Variants in FGF14 observed in about 807,000 individuals in gnomAD.
The protein encoded by FGF14 is fibroblast growth factor homologous factor 4.
Under a neutral mutation model 25.5 loss-of-function variants are expected in FGF14, and 5 were observed. That is an observed-to-expected ratio of 0.20 (90% confidence interval 0.10 to 0.41). The LOEUF (loss-of-function observed/expected upper bound fraction) is 0.41. Among genes scored for constraint, FGF14 ranks in the 10% least tolerant of loss-of-function variants. The probability of loss-of-function intolerance (pLI) is 1.00; values close to 1 mark genes in which losing one functional copy is unlikely to be tolerated. For synonymous variants in FGF14, 138 were observed against 118.3 expected, an observed-to-expected ratio of 1.17 and a Z score of -1.08; for missense variants, 222 against 320.1, an observed-to-expected ratio of 0.69 and a Z score of 2.34.
chr13:101,871,256 C>T (rs2045061705), intron 2 of FGF14, among the ~76,000 whole-genome samples: 1 of 152,202 alleles, frequency 6.6e-6, no homozygotes, highest in East Asian at 1.9e-4. Context: ...ATTCATGGAA[C>T]ATTCTAGTTC....
intron 2 of FGF14, among the ~76,000 whole-genome samples, chr13:101,871,902 T>C (rs1349589988): frequency 6.6e-6 from 1 of 152,052 alleles, no homozygotes. Context: ...TCCACAATTT[T>C]TGTGCTACTT....
At chr13:102,266,463 G>C (rs1357343609) in intron 1 of FGF14, among the ~76,000 whole-genome samples, 5 of 152,076 alleles carry the variant, frequency 3.3e-5, no homozygotes, top group Admixed American at 6.6e-5. Flanking sequence ...CTTTGTGGGT[G>C]ATCTGCTCAT....
intron 1 of FGF14, among the ~76,000 whole-genome samples, chr13:102,298,404 T>A (rs76417703): frequency 0.019 from 2,939 of 152,294 alleles, 99 homozygotes; most frequent in African/African-American, 0.066. Context: ...CATGTGTGTA[T>A]CATTTTTAAT....
intron 1 of FGF14, among the ~76,000 whole-genome samples, chr13:102,075,168 TA>T (rs572361617): frequency 6.6e-4 from 100 of 152,292 alleles, no homozygotes; most frequent in African/African-American, 2.3e-3. Context: ...TCTTAAACAT[TA>T]AAAACTCTGA....
intron 1 of FGF14, among the ~76,000 whole-genome samples, chr13:102,018,689 G>A (rs554890875): frequency 5.3e-5 from 8 of 151,432 alleles, no homozygotes; most frequent in South Asian, 4.2e-4. Context: ...CTTATCCATC[G>A]CCCTCCATCC....
intron 1 of FGF14, among the ~76,000 whole-genome samples, chr13:102,161,978 C>G (rs9585864): frequency 7.9e-5 from 12 of 151,990 alleles, no homozygotes; most frequent in Admixed American, 7.9e-4. Context: ...CCTCCATGAG[C>G]CTTTCTGATG....
intron 1 of FGF14, among the ~76,000 whole-genome samples, chr13:102,258,405 C>A (rs2052554710): frequency 6.6e-6 from 1 of 152,084 alleles, no homozygotes; most frequent in South Asian, 2.1e-4. Context: ...CTCTTGCTTG[C>A]CCAGGCTGCT....
chr13:102,119,971 G>T (rs2045643065), intron 1 of FGF14, among the ~76,000 whole-genome samples: 1 of 152,032 alleles, frequency 6.6e-6, no homozygotes, highest in African/African-American at 2.4e-5. Context: ...GTTGAACATT[G>T]CCCTCACCCA....
At chr13:102,165,876 A>G (rs1189322659) in intron 1 of FGF14, among the ~76,000 whole-genome samples, 3 of 151,916 alleles carry the variant, frequency 2.0e-5, no homozygotes, top group African/African-American at 4.8e-5. Context: ...AAAGGGAAAC[A>G]GGAGGAATGA....
chr13:101,970,895 G>C (rs1269637604), intron 1 of FGF14, among the ~76,000 whole-genome samples: 1 of 152,128 alleles, frequency 6.6e-6, no homozygotes, highest in Non-Finnish European at 1.5e-5. Flanking sequence ...CCCTCCAGGA[G>C]CCTTGAAGCC....
At chr13:101,739,995 C>G (rs1047048233) in intron 3 of FGF14, among the ~76,000 whole-genome samples, 1 of 152,162 alleles carries the variant, frequency 6.6e-6, no homozygotes, top group Non-Finnish European at 1.5e-5. Context: ...TATAAAAGAA[C>G]ATTGTGAAAC....
chr13:101,938,007 C>G lies in FGF14; in HGVS notation c.209-62711G>C, dbSNP rs550683761. Among the ~76,000 whole-genome samples, 3 of 152,324 alleles carry G rather than the reference C, an allele frequency of 2.0e-5. No homozygotes were observed. In the East Asian group the frequency reaches 5.8e-4, roughly 29 times the overall value. On this transcript the variant is annotated intron_variant, in intron 1 of 4. Coordinates refer to the FGF14 transcript ENST00000376131. Reference sequence around the variant, plus strand: ...AACCCTTCTGTTAAAAGAAAAAAATCTGAAATCAAGAAGGCCTGCCTTCAT... The same window carrying G: ...AACCCTTCTGTTAAAAGAAAAAAATGTGAAATCAAGAAGGCCTGCCTTCAT...
chr13:102,112,000 A>C (rs1195841345), intron 1 of FGF14, among the ~76,000 whole-genome samples: 1 of 152,192 alleles, frequency 6.6e-6, no homozygotes, highest in Non-Finnish European at 1.5e-5. Flanking sequence ...TTGGTAAGTT[A>C]GTCTACATAT....
intron 1 of FGF14, among the ~76,000 whole-genome samples, chr13:101,888,881 A>G (rs1035223662): frequency 6.6e-5 from 10 of 152,176 alleles, no homozygotes; most frequent in Non-Finnish European, 1.5e-4. Context: ...CCTAAAACTC[A>G]TATGTTGAAG....
chr13:102,259,634 G>T (rs1163124352), intron 1 of FGF14, among the ~76,000 whole-genome samples: 1 of 152,110 alleles, frequency 6.6e-6, no homozygotes, highest in East Asian at 1.9e-4. Context: ...CTCTATCAAG[G>T]TAGGATGTTT....
rs73557422 is a variant in FGF14, at chr13:101,810,730, C to T, written c.408+57995G>A. 5.0e-3 allele frequency among the ~76,000 whole-genome samples: 763 copies of T among 152,238 alleles called. 5 individuals carry two copies. The highest frequency in any genetic ancestry group is 0.018 in the African/African-American group (731 of 41,548). On this transcript the variant is annotated intron_variant, in intron 3 of 4. Coordinates refer to ENST00000376143, the MANE Select transcript of FGF14 (RefSeq NM_004115.4). ...GGAGCTCTTTCTTTAGGCTGATTCA[C>T]AATCCATTTCTACAGACAGGAAGGC... is the stretch of plus-strand genomic sequence containing the variant.
intron 1 of FGF14, among the ~76,000 whole-genome samples, chr13:102,223,975 T>C (rs189497385): frequency 2.6e-4 from 39 of 152,276 alleles, no homozygotes; most frequent in Non-Finnish European, 4.4e-4. Flanking sequence ...GAGTTACAGA[T>C]TAATCAGGAT....
At chr13:101,802,561 C>G (rs1300692442) in intron 3 of FGF14, 2 of 153,604 alleles carry the variant, frequency 1.3e-5, no homozygotes, top group Non-Finnish European at 1.4e-5. Context: ...ATGACAAAAT[C>G]TGATCAGAAT....
At chr13:102,012,028 T>G (rs2040107541) in intron 1 of FGF14, among the ~76,000 whole-genome samples, 1 of 152,226 alleles carries the variant, frequency 6.6e-6, no homozygotes. Flanking sequence ...TTTCTAGGTT[T>G]AGCTTGGAGA....
Sources: allele counts gnomAD v4.1 joint callset (sites outside exome capture counted in the v4.1 genomes callset), GRCh38; gene constraint gnomAD v4.1.1; transcripts MANE v1.5; gene names NCBI Gene and HGNC (gene_info 2026-07-23, HGNC 2026-07-21).